ATXN7: variants seen among roughly 807,000 people sequenced by gnomAD.
ATXN7 encodes the protein ataxin-7.
Under a neutral mutation model 70.5 loss-of-function variants are expected in ATXN7, and 12 were observed. The observed-to-expected ratio is 0.17, with a 90% CI of 0.11 to 0.28. ATXN7 has a LOEUF of 0.28. ATXN7 is among the 10% of genes least tolerant of loss of function. The pLI is 1.00. For missense variants in ATXN7, 1,256 were observed against 1,131.7 expected (o/e 1.11, Z -1.58); for synonymous variants, 498 against 448.7 (o/e 1.11, Z -1.39).
intron 2 of ATXN7, among the ~76,000 whole-genome samples, chr3:63,907,981 T>G (rs1411184878): frequency 6.6e-6 from 1 of 152,238 alleles, no homozygotes; most frequent in Non-Finnish European, 1.5e-5. Flanking sequence ...TGGTGAATGT[T>G]TCTTTGGGAG....
Position 63,990,225 on chromosome 3 carries a change from C to A in ATXN7, c.1411C>A (p.Pro471Thr). 6.2e-7 allele frequency: 1 copy of A among 1,613,892 alleles called. No homozygotes were observed. The highest frequency in any genetic ancestry group is 1.7e-5 in the Admixed American group (1 of 60,036). The change falls in exon 10 of 13, where the codon CCT becomes ACT. Residue 471 changes from proline to threonine, a missense_variant. Pro to Thr is a conservative substitution (Grantham distance 38, BLOSUM62 -1). Coordinates refer to ENST00000674280, the MANE Select transcript of ATXN7 (RefSeq NM_001377405.1). ...QQGGSAPIDPPPVHESPHPPL... is the reference protein window; with the variant it reads ...QQGGSAPIDPTPVHESPHPPL... Reference sequence around the variant, plus strand: ...AGGTGGGAGTGCCCCCATTGACCCTCCTCCAGTCCATGAATCTCCACACCC... The same window carrying A: ...AGGTGGGAGTGCCCCCATTGACCCTACTCCAGTCCATGAATCTCCACACCC...
In ATXN7 at chr3:63,995,896, T is replaced by C; in HGVS notation, c.2074T>C (p.Cys692Arg). 6.2e-7 allele frequency: 1 copy of C among 1,614,228 alleles called. No homozygotes were observed. The highest frequency in any genetic ancestry group is 8.5e-7 in the Non-Finnish European group (1 of 1,180,042). The stretch of plus-strand genomic sequence containing the variant: ...GGAGTCTTCTGGTAACAGCACTAAC[T>C]GTCAAAATGCCAGTAGCAGTACCAG... ...PKESSGNSTN[C>R]QNASSSTSGG... The change falls in exon 12 of 13, where the codon TGT becomes CGT. Residue 692 changes from cysteine to arginine, a missense_variant. Coordinates refer to ENST00000674280, the MANE Select transcript of ATXN7 (RefSeq NM_001377405.1).
intron 1 of ATXN7, among the ~76,000 whole-genome samples, chr3:63,883,905 G>T (rs1702994877): frequency 6.6e-6 from 1 of 152,044 alleles, no homozygotes. Flanking sequence ...TATTTACCCT[G>T]TCAAACCTGA....
chr3:63,889,230 C>T (rs973419951), intron 1 of ATXN7, among the ~76,000 whole-genome samples: 1 of 152,100 alleles, frequency 6.6e-6, no homozygotes, highest in Non-Finnish European at 1.5e-5. Flanking sequence ...TCCATCCTAT[C>T]AACAAAGTAG....
intron 1 of ATXN7, among the ~76,000 whole-genome samples, chr3:63,875,341 C>T (rs369817262): frequency 5.2e-4 from 79 of 152,108 alleles, no homozygotes; most frequent in African/African-American, 1.2e-4. Flanking sequence ...ATCCTCCTGC[C>T]TCAGCCTCCC....
chr3:63,980,054 C>G lies in ATXN7; in HGVS notation c.639C>G (p.Ser213Arg), dbSNP rs755234890. 41 of 1,614,034 alleles carry G rather than the reference C, an allele frequency of 2.5e-5. No individual in the cohort carries two copies. The highest frequency in any genetic ancestry group is 5.3e-5 in the African/African-American group (4 of 74,900). The change falls in exon 6 of 13, where the codon AGC (serine) becomes AGG (arginine). Residue 213 changes from serine (S) to arginine (R), a missense_variant. Physicochemically the swap from Ser to Arg is moderately radical, Grantham distance 110. Coordinates refer to ENST00000674280, the MANE Select transcript of ATXN7 (RefSeq NM_001377405.1). ...GTTCTTCCAGTGGAGGTGTTCTTAG[C>G]GCATCCTCATCAAGTTCCAAGTTGT... ...SNRSSSGGVL[S>R]ASSSSSKLLK...
intron 5 of ATXN7, among the ~76,000 whole-genome samples, chr3:63,974,346 C>A (rs185064520): frequency 6.6e-5 from 10 of 152,338 alleles, no homozygotes; most frequent in African/African-American, 2.4e-4. Context: ...ACACTAACAA[C>A]CTGATTTTGC....
chr3:63,912,563 C>A (rs1704072113), intron 2 of ATXN7, 25 bp from the exon 3 acceptor site: 1 of 1,118,174 alleles, frequency 8.9e-7, no homozygotes, highest in Non-Finnish European at 1.1e-6. Flanking sequence ...GCGACTCTTT[C>A]CCCCTTTTTT....
intron 12 of ATXN7, chr3:63,999,228 G>A (rs35443995): frequency 0.035 from 17,756 of 505,332 alleles, 408 homozygotes; most frequent in African/African-American, 0.07. Flanking sequence ...CTTCTAGCCA[G>A]TTGGCTAGAA....
chr3:63,950,162 C>G (rs1398098830), intron 4 of ATXN7, among the ~76,000 whole-genome samples: 1 of 152,088 alleles, frequency 6.6e-6, no homozygotes, highest in Non-Finnish European at 1.5e-5. Context: ...AGAAAAGGAT[C>G]AAAGGAACCA....
At position 63,929,335 on chromosome 3, in the gene ATXN7, C is replaced by A. The variant is rs189015990; in HGVS notation, c.394+16110C>A. On this transcript the variant is annotated intron_variant, in intron 4 of 12. Transcript: ENST00000674280. ...GTTGCCAGGCTGGAGTGCAGTGGCG[C>A]CATCTCGGCTCACTGCAACCTCCGA... Among the ~76,000 whole-genome samples, 423 of 150,110 alleles carry A rather than the reference C, an allele frequency of 2.8e-3. 2 individuals are homozygous for A. The highest frequency in any genetic ancestry group is 9.2e-3 in the African/African-American group (374 of 40,722).
At chr3:63,886,681 A>G (rs1273416931) in intron 1 of ATXN7, among the ~76,000 whole-genome samples, 2 of 152,188 alleles carry the variant, frequency 1.3e-5, no homozygotes, top group African/African-American at 2.4e-5. Flanking sequence ...AGTCATCCCA[A>G]AATTGAAAGT....
chr3:63,985,581 C>G (rs1008562988), intron 8 of ATXN7, among the ~76,000 whole-genome samples: 2 of 152,188 alleles, frequency 1.3e-5, no homozygotes, highest in African/African-American at 4.8e-5. Context: ...AAGTTGCTGC[C>G]AGGTCTCTTC....
At chr3:63,918,417 T>G (rs1704372744) in intron 4 of ATXN7, among the ~76,000 whole-genome samples, 1 of 152,154 alleles carries the variant, frequency 6.6e-6, no homozygotes, top group Non-Finnish European at 1.5e-5. Context: ...TTCTTTTGTC[T>G]TCTTTTCTCC....
chr3:63,979,648 T>G (rs770170259), intron 5 of ATXN7, among the ~76,000 whole-genome samples: 14 of 152,160 alleles, frequency 9.2e-5, no homozygotes, highest in Non-Finnish European at 1.5e-4. Context: ...TTCTCATGTT[T>G]ACGATGGTTG....
At chr3:63,941,685 C>T (rs1214042996) in intron 4 of ATXN7, among the ~76,000 whole-genome samples, 1 of 151,908 alleles carries the variant, frequency 6.6e-6, no homozygotes, top group Non-Finnish European at 1.5e-5. Context: ...GGCCAGACCT[C>T]ATACATTTAG....
chr3:63,984,404 G>C (rs1034526373), intron 8 of ATXN7, among the ~76,000 whole-genome samples: 1 of 152,188 alleles, frequency 6.6e-6, no homozygotes, highest in Non-Finnish European at 1.5e-5. Context: ...TGGTGTAGTG[G>C]TGGTGGTGTA....
chr3:63,927,389 G>A (rs1024005558), intron 4 of ATXN7, among the ~76,000 whole-genome samples: 2 of 152,196 alleles, frequency 1.3e-5, no homozygotes, highest in South Asian at 2.1e-4. Flanking sequence ...ATCATGAGAA[G>A]TGTTTACATA....
chr3:63,984,812 C>T (rs2075547657), intron 8 of ATXN7, among the ~76,000 whole-genome samples: 2 of 152,288 alleles, frequency 1.3e-5, no homozygotes, highest in South Asian at 2.1e-4. Context: ...CCGCTGGCAG[C>T]CACCACTCTA....
Sources: allele counts gnomAD v4.1 joint callset (sites outside exome capture counted in the v4.1 genomes callset), GRCh38; gene constraint gnomAD v4.1.1; transcripts MANE v1.5; gene names NCBI Gene and HGNC (gene_info 2026-07-23, HGNC 2026-07-21).